SGMS1: variants seen among roughly 807,000 people sequenced by gnomAD.
SGMS1 encodes phosphatidylcholine:ceramide cholinephosphotransferase 1.
In SGMS1, 13 loss-of-function variants were observed where a neutral mutation model predicts 46.2. The observed-to-expected ratio is 0.28, with a 90% CI of 0.18 to 0.45. SGMS1 has a LOEUF of 0.45. Ranked by LOEUF, SGMS1 falls within the 20% of genes least tolerant of loss-of-function variation. The pLI, the probability that SGMS1 is intolerant of heterozygous loss-of-function variation, is 1.00. For synonymous variants in SGMS1, 203 were observed against 187.8 expected (o/e 1.08, Z -0.66); for missense variants, 324 against 519.9 (o/e 0.62, Z 3.66).
intron 3 of SGMS1, among the ~76,000 whole-genome samples, chr10:50,487,855 G>T (rs1273739808): frequency 3.3e-5 from 5 of 151,546 alleles, no homozygotes; most frequent in African/African-American, 1.2e-4. Context: ...AACATAATTG[G>T]GTTTTATCCA....
At chr10:50,320,372 C>G (rs1847421171) in intron 8 of SGMS1, among the ~76,000 whole-genome samples, 1 of 152,214 alleles carries the variant, frequency 6.6e-6, no homozygotes, top group South Asian at 2.1e-4. Flanking sequence ...ATCCCACTCA[C>G]TGTTATAAAA....
At chr10:50,502,864 G>A (rs995911697) in intron 3 of SGMS1, among the ~76,000 whole-genome samples, 13 of 151,992 alleles carry the variant, frequency 8.6e-5, no homozygotes, top group African/African-American at 3.1e-4. Flanking sequence ...GAAAATGAAC[G>A]TATCACCCAA....
At chr10:50,526,829 G>A (rs528531510) in intron 2 of SGMS1, among the ~76,000 whole-genome samples, 1 of 152,182 alleles carries the variant, frequency 6.6e-6, no homozygotes, top group Non-Finnish European at 1.5e-5. Flanking sequence ...CACTCTGGGA[G>A]GCCATGGCAG....
intron 6 of SGMS1, among the ~76,000 whole-genome samples, chr10:50,427,027 G>A (rs1163918063): frequency 6.6e-6 from 1 of 152,140 alleles, no homozygotes. Context: ...GAAAACAATA[G>A]AAATTTACTA....
intron 9 of SGMS1, among the ~76,000 whole-genome samples, chr10:50,309,675 T>C (rs1336844820): frequency 2.0e-5 from 3 of 152,210 alleles, no homozygotes; most frequent in African/African-American, 7.2e-5. Context: ...ACTCACTATA[T>C]CTGCTCACGT....
intron 8 of SGMS1, among the ~76,000 whole-genome samples, chr10:50,314,807 G>A (rs967938915): frequency 2.1e-4 from 32 of 152,090 alleles, no homozygotes; most frequent in African/African-American, 7.2e-4. Flanking sequence ...TGTAGTCCCA[G>A]CTACTTGGAA....
At chr10:50,578,178 G>C (rs376628053) in intron 2 of SGMS1, among the ~76,000 whole-genome samples, 18 of 152,196 alleles carry the variant, frequency 1.2e-4, no homozygotes, top group African/African-American at 3.9e-4. Context: ...CTTTTTACCT[G>C]TTCTCTGATG....
At chr10:50,537,092 C>G (rs1225099162) in intron 2 of SGMS1, among the ~76,000 whole-genome samples, 1 of 152,202 alleles carries the variant, frequency 6.6e-6, no homozygotes, top group Non-Finnish European at 1.5e-5. Context: ...TTCTCTCAAG[C>G]TCCTTTGGCT....
intron 6 of SGMS1, among the ~76,000 whole-genome samples, chr10:50,365,607 C>T (rs968227122): frequency 3.3e-5 from 5 of 152,062 alleles, no homozygotes; most frequent in Admixed American, 1.3e-4. Context: ...CGACAGGCCC[C>T]GCTGTGTGTT....
At chr10:50,328,345 CA>C (rs1227096405) in intron 7 of SGMS1, among the ~76,000 whole-genome samples, 1 of 152,118 alleles carries the variant, frequency 6.6e-6, no homozygotes, top group Non-Finnish European at 1.5e-5. Context: ...TTTTCCCAAA[CA>C]AGGAAAATTT....
At chr10:50,397,270 T>C (rs530633163) in intron 6 of SGMS1, among the ~76,000 whole-genome samples, 4 of 152,106 alleles carry the variant, frequency 2.6e-5, no homozygotes, top group Non-Finnish European at 5.9e-5. Context: ...CCAGGTAGGA[T>C]AGATACGTGG....
intron 2 of SGMS1, among the ~76,000 whole-genome samples, chr10:50,533,811 A>T (rs577642470): frequency 6.6e-6 from 1 of 152,284 alleles, no homozygotes; most frequent in Non-Finnish European, 1.5e-5. Context: ...AAATTACATA[A>T]GAAAAACAGA....
intron 1 of SGMS1, among the ~76,000 whole-genome samples, chr10:50,597,292 T>C (rs1428116941): frequency 6.6e-6 from 1 of 152,182 alleles, no homozygotes; most frequent in Non-Finnish European, 1.5e-5. Context: ...TACACACCTA[T>C]TAGAATAGCT....
At chr10:50,485,167 C>T (rs1273980890) in intron 3 of SGMS1, among the ~76,000 whole-genome samples, 5 of 152,110 alleles carry the variant, frequency 3.3e-5, no homozygotes. Context: ...AGCCCAAAAG[C>T]TTCTTAAGCT....
chr10:50,584,028 A>G (rs1441344425), intron 2 of SGMS1, among the ~76,000 whole-genome samples: 3 of 152,236 alleles, frequency 2.0e-5, no homozygotes, highest in Admixed American at 1.3e-4. Flanking sequence ...CTAAGCCTAC[A>G]GTTTCCAACT....
chr10:50,367,556 A>T (rs538433578), intron 6 of SGMS1, among the ~76,000 whole-genome samples: 1 of 152,282 alleles, frequency 6.6e-6, no homozygotes, highest in East Asian at 1.9e-4. Flanking sequence ...CCTGGAGGTA[A>T]AAAAAGAATC....
intron 6 of SGMS1, among the ~76,000 whole-genome samples, chr10:50,413,337 C>A (rs1478400990): frequency 6.6e-6 from 1 of 152,196 alleles, no homozygotes; most frequent in Non-Finnish European, 1.5e-5. Flanking sequence ...AATATTTCAC[C>A]GTGCTGCTGA....
intron 3 of SGMS1, among the ~76,000 whole-genome samples, chr10:50,493,536 A>G (rs917782541): frequency 6.6e-6 from 1 of 152,222 alleles, no homozygotes; most frequent in Non-Finnish European, 1.5e-5. Context: ...CAGACAACCT[A>G]CAGTATAGGA....
At chr10:50,538,319 G>C (rs572657674) in intron 2 of SGMS1, among the ~76,000 whole-genome samples, 1 of 151,456 alleles carries the variant, frequency 6.6e-6, no homozygotes, top group Admixed American at 6.6e-5. Context: ...TTAGCCGGGC[G>C]TGGTGGTGGG....
Sources: allele counts gnomAD v4.1 joint callset (sites outside exome capture counted in the v4.1 genomes callset), GRCh38; gene constraint gnomAD v4.1.1; transcripts MANE v1.5; gene names NCBI Gene and HGNC (gene_info 2026-07-23, HGNC 2026-07-21).